Variants in OR14A2 observed in about 807,000 individuals in gnomAD.
OR14A2 encodes olfactory receptor 14A2.
For synonymous variants in OR14A2, 114 were observed against 58.6 expected, an observed-to-expected ratio of 1.95 and a Z score of -4.32; for missense variants, 237 against 152.9, an observed-to-expected ratio of 1.55 and a Z score of -2.90.
At chr1:247,742,088 A>C in the OR14A2 span, among the ~76,000 whole-genome samples, 2 of 152,204 alleles carry the variant, frequency 1.3e-5, no homozygotes, top group East Asian at 3.8e-4. Flanking sequence ...TGTGTATTGC[A>C]CTTTTGGAAA....
At position 247,724,001 on chromosome 1, in the gene OR14A2, AC is replaced by A; in HGVS notation, c.42del (p.Ser16LeufsTer16). 4.2e-6 allele frequency: 3 copies of A among 714,444 alleles called. No individual in the cohort carries two copies. In the South Asian group the frequency reaches 4.5e-5, roughly 11 times the overall value. The allele number at this position is 714,444 out of a possible 1,614,324, so 44.3% of individuals were successfully genotyped here. ...ATCCGCAGCTTCTGGATATTAGAAA[AC>A]CCCATAAGAAGAAATCCTGTCACCA... On this transcript the variant is annotated frameshift_variant, in exon 1 of 1. Coordinates refer to ENST00000366485, the Ensembl canonical transcript of OR14A2. LOFTEE classifies it low-confidence loss of function (END_TRUNC).
upstream of OR14A2, among the ~76,000 whole-genome samples, chr1:247,726,382 TG>T (rs1660358203): frequency 7.1e-6 from 1 of 141,602 alleles, no homozygotes; most frequent in Non-Finnish European, 1.5e-5. Flanking sequence ...TGGGGTTGTT[TG>T]TTTTTTTCTT....
chr1:247,727,788 T>C (rs1461682744), upstream of OR14A2, among the ~76,000 whole-genome samples: 1 of 149,434 alleles, frequency 6.7e-6, no homozygotes, highest in Non-Finnish European at 1.5e-5. Flanking sequence ...GAGAATACTA[T>C]AAACACCTCT....
At chr1:247,734,060 C>A in the OR14A2 span, among the ~76,000 whole-genome samples, 1 of 152,212 alleles carries the variant, frequency 6.6e-6, no homozygotes, top group Non-Finnish European at 1.5e-5. Flanking sequence ...TGTGTCTTTC[C>A]AAAATTCATC....
the OR14A2 span, among the ~76,000 whole-genome samples, chr1:247,733,264 AG>A: frequency 0.013 from 1,924 of 152,278 alleles, 33 homozygotes; most frequent in African/African-American, 0.042. Context: ...AAAGACGAAA[AG>A]TGAATAGATA....
chr1:247,726,985 C>A (rs1276852915), upstream of OR14A2, among the ~76,000 whole-genome samples: 2 of 149,134 alleles, frequency 1.3e-5, no homozygotes, highest in African/African-American at 5.1e-5. Context: ...CAGCTTTGTT[C>A]TTTTGGCTTA....
the OR14A2 span, among the ~76,000 whole-genome samples, chr1:247,743,649 T>A: frequency 6.6e-6 from 1 of 152,226 alleles, no homozygotes; most frequent in African/African-American, 2.4e-5. Context: ...ATTGCCTTTT[T>A]TTGTGTGTTG....
chr1:247,739,318 C>G, the OR14A2 span: 1 of 780,784 alleles, frequency 1.3e-6, no homozygotes. Flanking sequence ...CAATCCAAAG[C>G]CTTTTCCAAC....
chr1:247,741,917 T>C, the OR14A2 span, among the ~76,000 whole-genome samples: 1 of 152,312 alleles, frequency 6.6e-6, no homozygotes, highest in South Asian at 2.1e-4. Flanking sequence ...CCCTGCAAGC[T>C]TACAGATCAC....
the OR14A2 span, among the ~76,000 whole-genome samples, chr1:247,730,779 AAGGTTGCTATCCC>A: frequency 2.0e-5 from 3 of 152,144 alleles, no homozygotes; most frequent in East Asian, 5.8e-4. Context: ...GGGCCAGGAG[AAGGTTGCTATCCC>A]AGCCCAAGAA....
At chr1:247,733,077 C>T in the OR14A2 span, among the ~76,000 whole-genome samples, 1 of 152,154 alleles carries the variant, frequency 6.6e-6, no homozygotes, top group Non-Finnish European at 1.5e-5. Context: ...AGACTGCGGC[C>T]CTCAGGAGTT....
At chr1:247,725,487 TTA>T (rs1244422697), upstream of OR14A2, among the ~76,000 whole-genome samples, 1 of 117,374 alleles carries the variant, frequency 8.5e-6, no homozygotes, top group Non-Finnish European at 1.7e-5. Context: ...CTACAAGATT[TTA>T]TTTATTTATT....
upstream of OR14A2, among the ~76,000 whole-genome samples, chr1:247,727,049 G>GT: frequency 6.6e-6 from 1 of 150,820 alleles, no homozygotes; most frequent in South Asian, 2.1e-4. Context: ...CTTTAAAGTA[G>GT]TTTTTTCCAA....
the OR14A2 span, among the ~76,000 whole-genome samples, chr1:247,729,959 A>T: frequency 1.3e-5 from 2 of 152,096 alleles, no homozygotes; most frequent in African/African-American, 4.8e-5. Flanking sequence ...AACATTAGAT[A>T]CAGTTTATGG....
chr1:247,737,454 A>G, the OR14A2 span, among the ~76,000 whole-genome samples: 1 of 152,332 alleles, frequency 6.6e-6, no homozygotes, highest in East Asian at 1.9e-4. Flanking sequence ...CACTGGCAGT[A>G]GCTTTAGAGC....
At chr1:247,738,464 A>G in the OR14A2 span, 1 of 600,486 alleles carries the variant, frequency 1.7e-6, no homozygotes, top group East Asian at 2.8e-5. Flanking sequence ...GTCCATGAGA[A>G]ATATAAATTG....
At chr1:247,724,136 C>G (rs1660278258), upstream of OR14A2, 1 of 582,470 alleles carries the variant, frequency 1.7e-6, no homozygotes, top group Non-Finnish European at 3.1e-6. Context: ...TACAGACTAG[C>G]AAGAGTCATA....
upstream of OR14A2, among the ~76,000 whole-genome samples, chr1:247,728,517 A>T (rs1380400370): frequency 1.3e-5 from 2 of 152,086 alleles, no homozygotes; most frequent in African/African-American, 4.8e-5. Flanking sequence ...CTGGCACAAG[A>T]CAGGGATGCC....
the OR14A2 span, among the ~76,000 whole-genome samples, chr1:247,747,652 G>A: frequency 1.3e-5 from 2 of 152,072 alleles, no homozygotes; most frequent in Non-Finnish European, 1.5e-5. Flanking sequence ...GTGAGGCACC[G>A]CGCCCGGGCC....
Sources: allele counts gnomAD v4.1 joint callset (sites outside exome capture counted in the v4.1 genomes callset), GRCh38; gene constraint gnomAD v4.1.1; transcripts MANE v1.5; gene names NCBI Gene and HGNC (gene_info 2026-07-23, HGNC 2026-07-21).